FRMPD4: variants seen among roughly 807,000 people sequenced by gnomAD.
The protein encoded by FRMPD4 is FERM and PDZ domain-containing protein 4.
Under a neutral mutation model 94.1 loss-of-function variants are expected in FRMPD4, and 22 were observed. The ratio of observed to expected loss-of-function variants is 0.23; its 90% CI spans 0.17 to 0.33. FRMPD4 has a LOEUF of 0.33. Among genes scored for constraint, FRMPD4 ranks in the 10% least tolerant of loss-of-function variants. The pLI is 1.00. For synonymous variants in FRMPD4, 631 were observed against 548.6 expected (o/e 1.15, Z -2.10); for missense variants, 1,111 against 1,339.9 (o/e 0.83, Z 2.67).
At chrX:12,386,440 C>T (rs886473025) in intron 1 of FRMPD4, among the ~76,000 whole-genome samples, 2 of 111,911 alleles carry the variant, frequency 1.8e-5, no homozygotes, top group Admixed American at 1.9e-4. Context: ...GTGGTTCAGC[C>T]TTGAATTTGA....
chrX:12,527,026 T>C (rs2058231549), intron 2 of FRMPD4, among the ~76,000 whole-genome samples: 1 of 111,988 alleles, frequency 8.9e-6, no homozygotes, highest in South Asian at 3.7e-4. Flanking sequence ...ATCTGCTGTA[T>C]CCAACCCAGT....
At chrX:12,017,588 G>A (rs775955377) in intron 3 of FRMPD4, among the ~76,000 whole-genome samples, 1 of 112,397 alleles carries the variant, frequency 8.9e-6, no homozygotes, top group South Asian at 3.7e-4. Context: ...AAATAAGGGA[G>A]AGGTTTATGA....
intron 4 of FRMPD4, among the ~76,000 whole-genome samples, chrX:12,659,434 G>T (rs1390300371): frequency 2.7e-5 from 3 of 112,680 alleles, no homozygotes; most frequent in Non-Finnish European, 3.7e-5. Context: ...TGTAGCTCAG[G>T]ATTCCTCAAT....
At chrX:11,827,088 A>T (rs868333067) in intron 1 of FRMPD4, among the ~76,000 whole-genome samples, 32 of 89,436 alleles carry the variant, frequency 3.6e-4, no homozygotes, top group African/African-American at 8.2e-4. Flanking sequence ...ATATATATAA[A>T]ATATATATGT....
At chrX:12,214,901 A>G (rs1270828037) in intron 1 of FRMPD4, among the ~76,000 whole-genome samples, 2 of 112,292 alleles carry the variant, frequency 1.8e-5, no homozygotes, top group African/African-American at 3.2e-5. Flanking sequence ...TTCTTTTTAC[A>G]TAGCAATTAT....
At chrX:12,332,801 C>T (rs777089225) in intron 1 of FRMPD4, among the ~76,000 whole-genome samples, 32 of 111,840 alleles carry the variant, frequency 2.9e-4, no homozygotes, top group African/African-American at 9.7e-4. Context: ...CACTAATAAC[C>T]CCTCTATATT....
At chrX:11,996,445 T>C (rs780068252) in intron 3 of FRMPD4, among the ~76,000 whole-genome samples, 23 of 112,302 alleles carry the variant, frequency 2.0e-4, no homozygotes, top group African/African-American at 7.4e-4. Flanking sequence ...ATTCTCCGGG[T>C]AAGATATGAT....
chrX:12,643,939 C>T (rs140899680), intron 4 of FRMPD4, among the ~76,000 whole-genome samples: 1,512 of 112,560 alleles, frequency 0.013, 15 homozygotes, highest in Non-Finnish European at 0.023. Flanking sequence ...AATAAGACCA[C>T]AAAGAAATGG....
intron 3 of FRMPD4, among the ~76,000 whole-genome samples, chrX:11,885,478 T>G (rs2053840420): frequency 9.0e-6 from 1 of 111,125 alleles, no homozygotes; most frequent in Non-Finnish European, 1.9e-5. Context: ...TGCATAATAA[T>G]GTGAATATAT....
intron 2 of FRMPD4, among the ~76,000 whole-genome samples, chrX:12,542,308 T>C (rs1197672619): frequency 1.8e-5 from 2 of 112,174 alleles, no homozygotes; most frequent in African/African-American, 3.2e-5. Flanking sequence ...TGTCCCTGTT[T>C]GCAGATTACA....
intron 3 of FRMPD4, among the ~76,000 whole-genome samples, chrX:11,908,871 C>A (rs1408229116): frequency 9.0e-6 from 1 of 111,721 alleles, no homozygotes. Flanking sequence ...GAAAGTTTTT[C>A]TTTTATATGT....
rs773134491 is a variant in FRMPD4, at chrX:11,876,097, T to A, written c.-29-1798T>A. ...CACTGTGTTAGCCAGGATGGTCTCG[T>A]TCGCCTGACCTCGTGATCCGCCCGC... On this transcript the variant is annotated intron_variant, in intron 2 of 18. Transcript: ENST00000640291. 1.5e-4 allele frequency among the ~76,000 whole-genome samples: 16 copies of A among 108,308 alleles called. No individual in the cohort carries two copies. In the South Asian group the frequency reaches 5.4e-3, roughly 36 times the overall value. The allele number at this position is 108,308 out of a possible 115,157, so 94.1% of individuals were successfully genotyped here. A position where few individuals can be genotyped will look rare whatever the true frequency, so the allele number is the denominator to read the frequency against.
intron 9 of FRMPD4, among the ~76,000 whole-genome samples, chrX:12,700,419 G>C (rs867000198): frequency 1.9e-4 from 21 of 112,287 alleles, no homozygotes; most frequent in Admixed American, 5.6e-4. Context: ...GCAATGCAGC[G>C]CTTCCCAGCA....
chrX:12,596,004 A>G (rs941820245), intron 2 of FRMPD4, among the ~76,000 whole-genome samples: 1 of 112,399 alleles, frequency 8.9e-6, no homozygotes, highest in Non-Finnish European at 1.9e-5. Flanking sequence ...AAGAATTGCT[A>G]TTGCTGCCCA....
intron 3 of FRMPD4, among the ~76,000 whole-genome samples, chrX:11,934,277 G>A (rs893483824): frequency 7.1e-5 from 8 of 112,154 alleles, no homozygotes; most frequent in African/African-American, 2.6e-4. Context: ...AAGTGTGCTT[G>A]AGTTCTCACA....
Position 12,575,213 on chromosome X carries a change from CTT to C in FRMPD4, c.159-34505_159-34504del, listed in dbSNP as rs779128574. ...CTGAACATCATAATTTATTGTCAGT[CTT>C]TTCATGAATCTATAAGGTCAACTAT... On this transcript the variant is annotated intron_variant, in intron 2 of 16. Transcript: ENST00000675598. Among the ~76,000 whole-genome samples the C allele has an allele frequency of 1.2e-4, 13 of 111,518 alleles. No homozygotes were observed. The East Asian group carries it at 2.8e-3, about 24-fold the overall frequency.
chrX:12,063,373 GAAACAAAC>G (rs201592615), intron 3 of FRMPD4, among the ~76,000 whole-genome samples: 1 of 111,017 alleles, frequency 9.0e-6, no homozygotes, highest in African/African-American at 3.3e-5. Flanking sequence ...CATTTCAAAA[GAAACAAAC>G]AAACAAACAA....
chrX:12,405,498 C>T (rs2056657302), intron 1 of FRMPD4, among the ~76,000 whole-genome samples: 1 of 111,230 alleles, frequency 9.0e-6, no homozygotes, highest in Admixed American at 9.5e-5. Context: ...TATCCATCCC[C>T]TCAAGCATTT....
intron 3 of FRMPD4, among the ~76,000 whole-genome samples, chrX:11,975,960 G>A (rs995201793): frequency 1.8e-5 from 2 of 112,325 alleles, no homozygotes; most frequent in African/African-American, 6.5e-5. Flanking sequence ...TTACAGACAA[G>A]ACATTTGCAT....
Sources: allele counts gnomAD v4.1 joint callset (sites outside exome capture counted in the v4.1 genomes callset), GRCh38; gene constraint gnomAD v4.1.1; transcripts MANE v1.5; gene names NCBI Gene and HGNC (gene_info 2026-07-23, HGNC 2026-07-21).